ZNF782: variants seen among roughly 807,000 people sequenced by gnomAD.
The protein encoded by ZNF782 is zinc finger protein 782.
Under a neutral mutation model 13.0 loss-of-function variants are expected in ZNF782, and 12 were observed. That is an observed-to-expected ratio of 0.92 (90% CI 0.59 to 1.50). The LOEUF (loss-of-function observed/expected upper bound fraction) is 1.50, where lower values mean the gene tolerates loss of function less well. Ranked by LOEUF, ZNF782 falls within the 40% of genes most tolerant of loss-of-function variation. The pLI, the probability that ZNF782 is intolerant of heterozygous loss-of-function variation, is 0.00. For synonymous variants in ZNF782, 284 were observed against 283.0 expected, an observed-to-expected ratio of 1.00 and a Z score of -0.04; for missense variants, 770 against 822.9, an observed-to-expected ratio of 0.94 and a Z score of 0.79.
chr9:96,825,403 A>G (rs1371216480), intron 5 of ZNF782, among the ~76,000 whole-genome samples: 2 of 152,118 alleles, frequency 1.3e-5, no homozygotes, highest in Non-Finnish European at 2.9e-5. Context: ...ACAAAAATCA[A>G]TTCAAGATGG....
chr9:96,841,285 T>C (rs1422284658), intron 4 of ZNF782, among the ~76,000 whole-genome samples: 2 of 151,996 alleles, frequency 1.3e-5, no homozygotes, highest in African/African-American at 2.4e-5. Context: ...TAGGCCCAGA[T>C]GGTTTCACTA....
the ZNF782 span, chr9:96,887,823 G>A: frequency 6.6e-6 from 1 of 152,086 alleles, no homozygotes; most frequent in African/African-American, 2.4e-5. Context: ...ATACACCATG[G>A]AATACTATGC....
intron 5 of ZNF782, among the ~76,000 whole-genome samples, chr9:96,821,763 C>T (rs138924804): frequency 0.05 from 7,602 of 151,770 alleles, 553 homozygotes; most frequent in African/African-American, 0.16. Context: ...GCTTCACCTC[C>T]CGGGTTCACA....
intron 4 of ZNF782, among the ~76,000 whole-genome samples, chr9:96,844,165 T>C (rs190080494): frequency 5.9e-5 from 9 of 152,300 alleles, no homozygotes; most frequent in African/African-American, 2.2e-4. Flanking sequence ...TGGAGCCAGT[T>C]TGAAAACATT....
At chr9:96,819,838 A>G in intron 5 of ZNF782, 60 bp from the exon 6 acceptor site, 4 of 1,317,022 alleles carry the variant, frequency 3.0e-6, no homozygotes, top group Non-Finnish European at 4.1e-6. Flanking sequence ...ATGGAATGGG[A>G]CATATATGTA....
the ZNF782 span, among the ~76,000 whole-genome samples, chr9:96,903,972 C>T: frequency 2.0e-5 from 3 of 152,096 alleles, no homozygotes; most frequent in Non-Finnish European, 2.9e-5. Flanking sequence ...AGAGTGACTG[C>T]GTCATTCTCC....
the ZNF782 span, among the ~76,000 whole-genome samples, chr9:96,922,812 C>A: frequency 6.6e-6 from 1 of 151,984 alleles, no homozygotes; most frequent in African/African-American, 2.4e-5. Context: ...GAAGTGTAAA[C>A]CACACTAACC....
At chr9:96,917,885 G>GGCGCGCGT in the ZNF782 span, among the ~76,000 whole-genome samples, 1,368 of 113,188 alleles carry the variant, frequency 0.012, 29 homozygotes, top group South Asian at 0.044. Context: ...CACCACCCTT[G>GGCGCGCGT]GCGTGTGTGT....
chr9:96,871,111 A>G (rs796525260), intron 1 of ZNF782, among the ~76,000 whole-genome samples: 19 of 152,304 alleles, frequency 1.2e-4, no homozygotes, highest in African/African-American at 4.6e-4. Context: ...CATAGTGCCA[A>G]GCAACATGGT....
At chr9:96,896,675 A>G in the ZNF782 span, among the ~76,000 whole-genome samples, 3 of 152,308 alleles carry the variant, frequency 2.0e-5, no homozygotes, top group Middle Eastern at 3.4e-3. Context: ...TCTCTGACCT[A>G]TTTGCCAAGT....
Position 96,817,859 on chromosome 9 carries a change from A to C in ZNF782, c.*64T>G, listed in dbSNP as rs1850219869. On this transcript the variant is annotated 3_prime_UTR_variant, in exon 6 of 6. Coordinates refer to ENST00000481138, the MANE Select transcript of ZNF782 (RefSeq NM_001001662.3). ...GTTAACAGTTCTCTCCTGTGTGTTC[A>C]TTTATGTATTGTGAGGTTTGATTTC... is the stretch of plus-strand genomic sequence containing the variant. 1 of 1,405,328 alleles carries C rather than the reference A, an allele frequency of 7.1e-7. No individual in the cohort carries two copies. Among genetic ancestry groups the C allele is most frequent in the African/African-American group, 1.4e-5 (1 of 69,136 alleles). The allele number at this position is 1,405,328 out of a possible 1,614,324, so 87.1% of individuals were successfully genotyped here. A position where few individuals can be genotyped will look rare whatever the true frequency, so the allele number is the denominator to read the frequency against.
At chr9:96,826,358 A>G (rs1297302072) in intron 5 of ZNF782, among the ~76,000 whole-genome samples, 1 of 151,366 alleles carries the variant, frequency 6.6e-6, no homozygotes, top group East Asian at 2.0e-4. Flanking sequence ...ATGAGAACAC[A>G]TGGACACAGG....
At chr9:96,871,796 T>C (rs546242626) in intron 1 of ZNF782, among the ~76,000 whole-genome samples, 1 of 152,366 alleles carries the variant, frequency 6.6e-6, no homozygotes, top group East Asian at 1.9e-4. Context: ...GCATTGATAC[T>C]TCTACAAGTA....
chr9:96,867,591 C>T (rs115849695), intron 1 of ZNF782, among the ~76,000 whole-genome samples: 2,085 of 152,330 alleles, frequency 0.014, 53 homozygotes, highest in African/African-American at 0.047. Flanking sequence ...CAAGATGTCT[C>T]TCTTTGATCT....
At chr9:96,903,903 T>TATAGTAA in the ZNF782 span, among the ~76,000 whole-genome samples, 1 of 152,042 alleles carries the variant, frequency 6.6e-6, no homozygotes, top group South Asian at 2.1e-4. Context: ...GGAGTGGGAC[T>TATAGTAA]GGTGGGTCAT....
chr9:96,819,108 T>C lies in ZNF782; in HGVS notation c.915A>G (p.Arg305=). 6.2e-7 allele frequency: 1 copy of C among 1,614,116 alleles called. No homozygotes were observed. The highest frequency in any genetic ancestry group is 8.5e-7 in the Non-Finnish European group (1 of 1,180,038). The stretch of plus-strand genomic sequence containing the variant: ...CAAAGGGTTTCACCCCTATATGAAC[T>C]CTATGATGTTCTCTAATGTGTGACT... ...SQKSHIREHH[R]VHIGVKPFEY... is the part of the protein sequence containing the mutation. Residue 305 remains arginine, a synonymous_variant, in exon 6 of 6, where the codon AGA becomes AGG. Coordinates refer to ENST00000481138, the MANE Select transcript of ZNF782 (RefSeq NM_001001662.3).
At chr9:96,878,386 G>A (rs1284130274), upstream of ZNF782, among the ~76,000 whole-genome samples, 1 of 152,158 alleles carries the variant, frequency 6.6e-6, no homozygotes, top group Admixed American at 6.5e-5. Context: ...ACATTTAAAC[G>A]TTTCTTTAAA....
chr9:96,827,609 T>C (rs550016250), intron 4 of ZNF782, among the ~76,000 whole-genome samples: 4 of 152,274 alleles, frequency 2.6e-5, no homozygotes, highest in East Asian at 3.9e-4. Flanking sequence ...CCAAAAAACA[T>C]TTTCTTATTC....
intron 4 of ZNF782, among the ~76,000 whole-genome samples, chr9:96,841,523 G>A (rs1851188570): frequency 6.6e-6 from 1 of 151,866 alleles, no homozygotes; most frequent in Non-Finnish European, 1.5e-5. Flanking sequence ...AGAATTCTAT[G>A]ACATTACCAA....
Sources: allele counts gnomAD v4.1 joint callset (sites outside exome capture counted in the v4.1 genomes callset), GRCh38; gene constraint gnomAD v4.1.1; transcripts MANE v1.5; gene names NCBI Gene and HGNC (gene_info 2026-07-23, HGNC 2026-07-21).